DBH: variants seen among roughly 807,000 people sequenced by gnomAD.
DBH encodes dopamine beta-hydroxylase.
A neutral mutation model predicts 64.0 loss-of-function variants in DBH; 49 were observed. The ratio of observed to expected loss-of-function variants is 0.77; its 90% CI spans 0.61 to 0.97. DBH has a LOEUF of 0.97. Among genes scored for constraint, DBH ranks in the 50% least tolerant of loss-of-function variants. DBH has a pLI of 0.00. For missense variants in DBH, 828 were observed against 826.6 expected, an observed-to-expected ratio of 1.00 and a Z score of -0.02; for synonymous variants, 343 against 347.1, an observed-to-expected ratio of 0.99 and a Z score of 0.13.
intron 5 of DBH, among the ~76,000 whole-genome samples, chr9:133,645,208 C>T (rs3025403): frequency 0.037 from 5,622 of 150,182 alleles, 155 homozygotes; most frequent in Non-Finnish European, 0.062. Flanking sequence ...TTGCTGTGGG[C>T]ACGGGGCTGT....
Position 133,643,092 on chromosome 9 carries a change from C to G in DBH, c.745-321C>G, listed in dbSNP as rs1832136602. Among the ~76,000 whole-genome samples, 1 of 152,200 alleles carries G rather than the reference C, an allele frequency of 6.6e-6. No homozygotes were observed. Among genetic ancestry groups the G allele is most frequent in the Non-Finnish European group, 1.5e-5 (1 of 68,032 alleles). On this transcript the variant is annotated intron_variant, in intron 3 of 11. Coordinates refer to ENST00000393056, the MANE Select transcript of DBH (RefSeq NM_000787.4). The surrounding 1 kb of genome is among the most constrained non-coding windows in gnomAD (Gnocchi z 5.3). ...TGAAGGTGCGCTTTGGGCCCGGGCT[C>G]TAACCTCAGGGCTGCCCTGCCTCCC...
Position 133,658,528 on chromosome 9 carries a change from C to G in DBH, c.*81C>G. On this transcript the variant is annotated 3_prime_UTR_variant, in exon 12 of 12. Coordinates refer to ENST00000393056, the MANE Select transcript of DBH (RefSeq NM_000787.4). ...CTGTGCACTCTACTCTGCGACGATCCCCATGGAACAGCCCTGCACGCCCAG... is the reference window on the plus strand; with the variant it reads ...CTGTGCACTCTACTCTGCGACGATCGCCATGGAACAGCCCTGCACGCCCAG... 2.8e-6 allele frequency: 4 copies of G among 1,439,608 alleles called. No individual in the cohort carries two copies. Among genetic ancestry groups the G allele is most frequent in the Non-Finnish European group, 3.7e-6 (4 of 1,078,050 alleles). 89.2% of individuals were successfully genotyped at this position (1,439,608 alleles called of 1,614,324 possible).
intron 8 of DBH, among the ~76,000 whole-genome samples, chr9:133,652,603 G>A (rs988599463): frequency 4.6e-5 from 7 of 152,138 alleles, no homozygotes; most frequent in African/African-American, 1.7e-4. Flanking sequence ...AGGCAGTGGA[G>A]CCCTGATCCC....
chr9:133,657,435 AG>A (rs1832342509), intron 11 of DBH: 1 of 382,994 alleles, frequency 2.6e-6, no homozygotes, highest in East Asian at 4.8e-5. Context: ...GAGAGAGAGG[AG>A]AGAGAGGAGA....
At chr9:133,640,414 C>T (rs182992457) in intron 2 of DBH, among the ~76,000 whole-genome samples, 91 of 129,198 alleles carry the variant, frequency 7.0e-4, no homozygotes, top group Non-Finnish European at 1.3e-3. Context: ...GGGACAACTG[C>T]CCCCCTCCTC....
At chr9:133,646,793 G>A (rs963255939) in intron 5 of DBH, among the ~76,000 whole-genome samples, 2 of 152,126 alleles carry the variant, frequency 1.3e-5, no homozygotes, top group Non-Finnish European at 2.9e-5. Context: ...CAAAGTGCTG[G>A]GATTACAAGG....
intron 2 of DBH, among the ~76,000 whole-genome samples, chr9:133,641,937 G>A (rs1249587125): frequency 2.0e-5 from 3 of 152,230 alleles, no homozygotes; most frequent in Non-Finnish European, 4.4e-5. Context: ...AGTAGTCACT[G>A]GTTGAATGGA....
At chr9:133,646,536 T>C (rs1381131124) in intron 5 of DBH, among the ~76,000 whole-genome samples, 2 of 152,154 alleles carry the variant, frequency 1.3e-5, no homozygotes, top group Non-Finnish European at 2.9e-5. Context: ...CTCTGTTTTT[T>C]TGTTTTGAGA....
At chr9:133,648,666 G>A (rs1226684332) in intron 6 of DBH, among the ~76,000 whole-genome samples, 1 of 152,226 alleles carries the variant, frequency 6.6e-6, no homozygotes, top group Non-Finnish European at 1.5e-5. Context: ...CGTCCTCAGG[G>A]CTATGCACGC....
rs45532436 is a variant in DBH at position 133,657,233 on chromosome 9, C to T, written c.1722+4C>T. ...GTCCTCAGCCGTCCGCTTCCAGGTG[C>T]GCTGCCATGGGCCCGGGTGGGGCAT... On this transcript the variant is annotated splice_donor_region_variant and intron_variant, in intron 11 of 11. Coordinates refer to ENST00000393056, the MANE Select transcript of DBH (RefSeq NM_000787.4). 1,293 of 1,613,678 alleles carry T rather than the reference C, an allele frequency of 8.0e-4. 9 individuals are homozygous for T. In the African/African-American group the frequency reaches 0.014, roughly 17 times the overall value.
intron 8 of DBH, among the ~76,000 whole-genome samples, chr9:133,652,739 C>CTGAT (rs1490346626): frequency 2.6e-4 from 39 of 152,166 alleles, no homozygotes; most frequent in Admixed American, 4.6e-4. Context: ...GTCACAGGAG[C>CTGAT]TGATGGTTTA....
In DBH at chr9:133,636,534, C is replaced by G. The variant is rs1160873680; in HGVS notation, c.163C>G (p.Pro55Ala). The G allele has an allele frequency of 1.2e-6, 2 of 1,613,428 alleles. No homozygotes were observed. The highest frequency in any genetic ancestry group is 1.7e-6 in the Non-Finnish European group (2 of 1,180,026). ...CCTCCCCTATCACATCCCCCTGGAC[C>G]CGGAGGGGTCCCTGGAGCTCTCATG... Reference protein sequence around the residue: ...SPLPYHIPLDPEGSLELSWNV... With the variant: ...SPLPYHIPLDAEGSLELSWNV... The change falls in exon 1 of 12, where the codon CCG (proline) becomes GCG (alanine). Residue 55 changes from proline (P) to alanine (A), a missense_variant. Physicochemically the swap from Pro to Ala is conservative, Grantham distance 27 (BLOSUM62 -1). Transcript: ENST00000393056.
At chr9:133,656,780 C>T in intron 10 of DBH, 130 bp downstream of exon 10, 2 of 1,199,384 alleles carry the variant, frequency 1.7e-6, no homozygotes, top group Non-Finnish European at 2.4e-6. Flanking sequence ...GGCGGCATCA[C>T]TCACCCCTCC....
chr9:133,638,178 G>A (rs925211063), intron 1 of DBH, among the ~76,000 whole-genome samples: 2 of 152,238 alleles, frequency 1.3e-5, no homozygotes, highest in African/African-American at 4.8e-5. Flanking sequence ...GAAAGCAAAT[G>A]TCAGCCTTAT....
chr9:133,656,655 G>A lies in DBH; in HGVS notation c.1562+5G>A. 1 of 1,611,578 alleles carries A rather than the reference G, an allele frequency of 6.2e-7. No homozygotes were observed. Among genetic ancestry groups the A allele is most frequent in the Non-Finnish European group, 8.5e-7 (1 of 1,179,930 alleles). Reference sequence around the variant, plus strand: ...GTACTTCCACCTCATCAACAGGTGAGGGCTCCCTGCACAAGCTCCCTGCCC... The same window carrying A: ...GTACTTCCACCTCATCAACAGGTGAAGGCTCCCTGCACAAGCTCCCTGCCC... On this transcript the variant is annotated splice_donor_5th_base_variant and intron_variant, in intron 10 of 11. Transcript: ENST00000393056.
rs765550438 is a variant in DBH at position 133,658,319 on chromosome 9, G to A, written c.1726G>A (p.Glu576Lys). The A allele has an allele frequency of 6.2e-7, 1 of 1,613,926 alleles. No homozygotes were observed. The highest frequency in any genetic ancestry group is 8.5e-7 in the Non-Finnish European group (1 of 1,179,880). Reference protein sequence around the residue: ...NKSSAVRFQGEWNLQPLPKVI... With the variant: ...NKSSAVRFQGKWNLQPLPKVI... ...CCTCCTGCCCCCTTCCTTGCAGGGT[G>A]AATGGAACCTGCAGCCCCTGCCCAA... Residue 576 changes from glutamate (E) to lysine (K), a missense_variant, in exon 12 of 12, where the codon GAA becomes AAA. Physicochemically the swap from Glu to Lys is moderately conservative, Grantham distance 56. Coordinates refer to ENST00000393056, the MANE Select transcript of DBH (RefSeq NM_000787.4).
intron 9 of DBH, chr9:133,656,117 T>G (rs1471569978): frequency 1.3e-5 from 4 of 315,702 alleles, no homozygotes; most frequent in Non-Finnish European, 1.9e-5. Context: ...TCGCTGGAGG[T>G]CATGGGGACA....
At chr9:133,639,387 C>A (rs59179760) in intron 1 of DBH, among the ~76,000 whole-genome samples, 7 of 151,966 alleles carry the variant, frequency 4.6e-5, no homozygotes, top group African/African-American at 1.7e-4. Flanking sequence ...ATGTCCCACC[C>A]TGTTCCCAAC....
intron 5 of DBH, among the ~76,000 whole-genome samples, chr9:133,647,430 GGAA>G (rs1172599765): frequency 2.0e-5 from 3 of 152,170 alleles, no homozygotes; most frequent in South Asian, 2.1e-4. Flanking sequence ...CTTTGAACGT[GGAA>G]GAAGAACATC....
Sources: gnomAD v4.1 joint callset for allele counts (sites outside exome capture counted in the v4.1 genomes callset) on GRCh38, gnomAD v4.1.1 for gene constraint, Gnocchi (gnomAD v3.1) non-coding constraint, MANE v1.5 for transcripts, NCBI Gene and HGNC (gene_info 2026-07-23, HGNC 2026-07-21) for gene names.